The following PKP1 variants were observed in gnomAD, a reference collection of about 807,000 sequenced individuals.
The protein encoded by PKP1 is plakophilin-1.
PKP1 carries 27 observed loss-of-function variants against 76.4 expected under a neutral mutation model. The ratio of observed to expected loss-of-function variants is 0.35; its 90% confidence interval spans 0.26 to 0.49. The LOEUF is 0.49. Ranked by LOEUF, PKP1 falls within the 20% of genes least tolerant of loss-of-function variation. The probability of loss-of-function intolerance (pLI) is 0.99; values close to 1 mark genes in which losing one functional copy is unlikely to be tolerated. For synonymous variants in PKP1, 404 were observed against 384.2 expected (o/e 1.05, Z -0.60); for missense variants, 964 against 955.2 (o/e 1.01, Z -0.12).
At position 201,293,922 on chromosome 1, in the gene PKP1, T is replaced by C; in HGVS notation, c.203-20T>C. 1 of 1,538,926 alleles carries C rather than the reference T, an allele frequency of 6.5e-7. No homozygotes were observed. The highest frequency in any genetic ancestry group is 1.1e-5 in the South Asian group (1 of 87,754). ...AAGATCATGGCCATCCCTGTCCTAA[T>C]CCCCTCCTTTCTCCTCTAGGTTCCA... On this transcript the variant is annotated intron_variant, in intron 1 of 13. Transcript: ENST00000367324.
intron 2 of PKP1, among the ~76,000 whole-genome samples, chr1:201,310,869 G>C (rs1278838559): frequency 6.6e-6 from 1 of 152,210 alleles, no homozygotes; most frequent in Non-Finnish European, 1.5e-5. Context: ...CTCCCCTGCA[G>C]GTGCAGCCAA....
intron 2 of PKP1, among the ~76,000 whole-genome samples, chr1:201,307,473 A>G (rs1488819552): frequency 1.3e-5 from 2 of 152,082 alleles, no homozygotes; most frequent in African/African-American, 4.8e-5. Context: ...ATAAGCAGGC[A>G]CCCCTACCCC....
In PKP1 at chr1:201,313,573, G is replaced by A. The variant is rs1188673522; in HGVS notation, c.701+13G>A. The stretch of plus-strand genomic sequence containing the variant: ...GGGCCAGCTCCAAGTGAGTGCTGCT[G>A]GGCTGGGTTGGGGAGCCAGGAGGGC... On this transcript the variant is annotated intron_variant, in intron 3 of 13. Transcript: ENST00000367324. 8 of 1,607,326 alleles carry A rather than the reference G, an allele frequency of 5.0e-6. No individual in the cohort carries two copies. In the African/African-American group the frequency reaches 9.4e-5, roughly 19 times the overall value.
At chr1:201,283,930 C>T in intron 1 of PKP1, 26 bp downstream of exon 1, 2 of 1,603,088 alleles carry the variant, frequency 1.2e-6, no homozygotes, top group Non-Finnish European at 1.7e-6. Flanking sequence ...CCGCGTGGTC[C>T]GTGCGCCCCT....
rs10920174 is a variant in PKP1 at position 201,330,620 on chromosome 1, G to A, written c.*579G>A. 0.64 allele frequency: 97,717 copies of A among 152,174 alleles called. 35,343 individuals are homozygous for A. The highest frequency in any genetic ancestry group is 0.87 in the East Asian group (4,482 of 5,164). The allele number at this position is 152,174 out of a possible 1,614,324, so 9.4% of individuals were successfully genotyped here. On this transcript the variant is annotated 3_prime_UTR_variant, in exon 14 of 14. Transcript: ENST00000367324. ...GCAGGCTTCCTACCAGTGGTCTCCAGGGGTGCAGGAGTAACTGGGGCTGGG... is the reference window on the plus strand; with the variant it reads ...GCAGGCTTCCTACCAGTGGTCTCCAAGGGTGCAGGAGTAACTGGGGCTGGG...
chr1:201,327,541 G>T (rs1176995887), intron 12 of PKP1, among the ~76,000 whole-genome samples: 2 of 152,130 alleles, frequency 1.3e-5, no homozygotes, highest in African/African-American at 4.8e-5. Context: ...CAGGTAAGGA[G>T]GACTGGTGTG....
intron 10 of PKP1, 28 bp from the exon 11 acceptor site, chr1:201,324,913 C>G (rs1476871441): frequency 6.2e-7 from 1 of 1,607,146 alleles, no homozygotes; most frequent in Admixed American, 1.7e-5. Flanking sequence ...TCATCCTGAC[C>G]CTGTGCCCCA....
intron 7 of PKP1, among the ~76,000 whole-genome samples, chr1:201,321,435 G>A (rs1656935962): frequency 6.6e-6 from 1 of 152,130 alleles, no homozygotes; most frequent in Non-Finnish European, 1.5e-5. Flanking sequence ...CTGGGCTCCA[G>A]GTGTTGCTGT....
At chr1:201,321,217 G>A (rs1349463655) in intron 7 of PKP1, among the ~76,000 whole-genome samples, 3 of 152,204 alleles carry the variant, frequency 2.0e-5, no homozygotes, top group African/African-American at 7.2e-5. Context: ...TGCTCAGCCT[G>A]CTTCCAAAGG....
intron 2 of PKP1, among the ~76,000 whole-genome samples, chr1:201,312,808 T>C (rs1309445693): frequency 5.3e-5 from 8 of 152,224 alleles, no homozygotes; most frequent in Admixed American, 4.6e-4. Context: ...GTAGCTCCTT[T>C]AGGTATGTCA....
At chr1:201,307,063 G>T (rs1440517813) in intron 2 of PKP1, among the ~76,000 whole-genome samples, 2 of 152,102 alleles carry the variant, frequency 1.3e-5, no homozygotes, top group Non-Finnish European at 2.9e-5. Flanking sequence ...TTCTCTCAGT[G>T]GACACTTAGC....
intron 12 of PKP1, among the ~76,000 whole-genome samples, chr1:201,327,431 G>A (rs1247733426): frequency 6.6e-6 from 1 of 152,172 alleles, no homozygotes; most frequent in Non-Finnish European, 1.5e-5. Context: ...GGTGGCCCTT[G>A]TTCTCCATGT....
chr1:201,316,133 C>CGGATGGATGGATGGATGGAT (rs796948449), intron 3 of PKP1: 1 of 92,994 alleles, frequency 1.1e-5, no homozygotes, highest in African/African-American at 2.7e-5. Context: ...GACGGACGGA[C>CGGATGGATGGATGGATGGAT]GGACGGATGG....
rs1211069504 is a variant in PKP1 at position 201,283,776 on chromosome 1, T to G, written c.74T>G (p.Leu25Trp). The change falls in exon 1 of 14, where the codon TTG (leucine) becomes TGG (tryptophan). Residue 25 changes from leucine to tryptophan, a missense_variant. Transcript: ENST00000367324. ...FQDQDNSTLA[L>W]PSDQKMKTGT... ...GACCAGGACAACTCCACGTTGGCTT[T>G]GCCGTCGGACCAAAAGATGAAAACA... is the stretch of plus-strand genomic sequence containing the variant. 6.2e-7 allele frequency: 1 copy of G among 1,614,150 alleles called. No individual in the cohort carries two copies. Among genetic ancestry groups the G allele is most frequent in the Admixed American group, 1.7e-5 (1 of 60,026 alleles).
chr1:201,313,590 C>T (rs1319984939), intron 3 of PKP1, 30 bp downstream of exon 3: 4 of 1,600,988 alleles, frequency 2.5e-6, no homozygotes, highest in Admixed American at 1.7e-5. Context: ...GTTGGGGAGC[C>T]AGGAGGGCCA....
chr1:201,324,626 G>T, intron 10 of PKP1, 45 bp downstream of exon 10: 2 of 1,606,898 alleles, frequency 1.2e-6, no homozygotes, highest in Non-Finnish European at 1.7e-6. Flanking sequence ...GACATGGCAG[G>T]CTCCCTACAA....
At chr1:201,286,814 G>A (rs1655753313) in intron 1 of PKP1, among the ~76,000 whole-genome samples, 1 of 152,130 alleles carries the variant, frequency 6.6e-6, no homozygotes, top group South Asian at 2.1e-4. Context: ...AAACTGAGGG[G>A]GATGTCACCA....
intron 2 of PKP1, among the ~76,000 whole-genome samples, chr1:201,300,317 A>G (rs1260512921): frequency 6.6e-6 from 1 of 152,240 alleles, no homozygotes; most frequent in Admixed American, 6.5e-5. Context: ...GCCTATGGCA[A>G]ACACTGGTGT....
chr1:201,301,684 A>T (rs536347145), intron 2 of PKP1, among the ~76,000 whole-genome samples: 1 of 151,078 alleles, frequency 6.6e-6, no homozygotes, highest in South Asian at 2.1e-4. Flanking sequence ...ATAATTATAA[A>T]CTTTTTTATT....
Sources: allele counts gnomAD v4.1 joint callset (sites outside exome capture counted in the v4.1 genomes callset), GRCh38; gene constraint gnomAD v4.1.1; transcripts MANE v1.5; gene names NCBI Gene and HGNC (gene_info 2026-07-23, HGNC 2026-07-21).